TTC28: variants seen among roughly 807,000 people sequenced by gnomAD.
The protein encoded by TTC28 is tetratricopeptide repeat protein 28.
In TTC28, 61 loss-of-function variants were observed where a neutral mutation model predicts 198.0. That is an observed-to-expected ratio of 0.31 (90% confidence interval 0.25 to 0.38). The LOEUF (loss-of-function observed/expected upper bound fraction) is 0.38. Among genes scored for constraint, TTC28 ranks in the 10% least tolerant of loss-of-function variants. The pLI is 1.00. For missense variants in TTC28, 2,678 were observed against 3,164.0 expected (o/e 0.85, Z 3.69); for synonymous variants, 1,171 against 1,297.8 (o/e 0.90, Z 2.10).
intron 1 of TTC28, among the ~76,000 whole-genome samples, chr22:28,673,803 T>C (rs1040396896): frequency 2.0e-5 from 3 of 152,222 alleles, no homozygotes; most frequent in African/African-American, 7.2e-5. Flanking sequence ...ACTATGTCTC[T>C]AGTTTCTCTT....
chr22:28,537,985 T>C (rs926781420), intron 2 of TTC28, among the ~76,000 whole-genome samples: 10 of 151,874 alleles, frequency 6.6e-5, no homozygotes, highest in African/African-American at 1.7e-4. Context: ...AAAAAAGATA[T>C]AGAAGGAAAG....
At chr22:28,278,804 T>G (rs139462032) in intron 5 of TTC28, among the ~76,000 whole-genome samples, 20 of 152,332 alleles carry the variant, frequency 1.3e-4, no homozygotes, top group Admixed American at 2.6e-4. Flanking sequence ...TGTAGGATAA[T>G]GTGCACTCCA....
intron 6 of TTC28, among the ~76,000 whole-genome samples, chr22:28,122,212 T>C (rs1248509708): frequency 6.6e-6 from 1 of 152,144 alleles, no homozygotes; most frequent in Non-Finnish European, 1.5e-5. Context: ...CTTTTACTTA[T>C]TCGAATGAGT....
intron 6 of TTC28, among the ~76,000 whole-genome samples, chr22:28,116,467 G>A (rs754007416): frequency 4.6e-5 from 7 of 152,130 alleles, no homozygotes; most frequent in African/African-American, 1.4e-4. Flanking sequence ...GGCTATGGCC[G>A]GGCCACTGGG....
intron 2 of TTC28, among the ~76,000 whole-genome samples, chr22:28,561,104 C>T (rs569026543): frequency 1.2e-3 from 168 of 135,404 alleles, no homozygotes; most frequent in Admixed American, 2.1e-3. Flanking sequence ...GACGGAGTCT[C>T]GCTCAGTCAC....
chr22:28,426,206 C>T lies in TTC28; in HGVS notation c.382-119563G>A, dbSNP rs533011819. ...CAGCCTGGGTGACAGAGTGAGACTCCACGTCAAAAAAAAAAAAAAAAAAAA... is the reference window on the plus strand; with the variant it reads ...CAGCCTGGGTGACAGAGTGAGACTCTACGTCAAAAAAAAAAAAAAAAAAAA... On this transcript the variant is annotated intron_variant, in intron 2 of 22. Coordinates refer to ENST00000397906, the MANE Select transcript of TTC28 (RefSeq NM_001145418.2). Among the ~76,000 whole-genome samples the T allele has an allele frequency of 2.6e-5, 3 of 115,488 alleles. No homozygotes were observed. The East Asian group carries it at 7.0e-4, about 27-fold the overall frequency. The allele number at this position is 115,488 out of a possible 152,430, so 75.8% of individuals were successfully genotyped here. A position where few individuals can be genotyped will look rare whatever the true frequency, so the allele number is the denominator to read the frequency against.
intron 5 of TTC28, among the ~76,000 whole-genome samples, chr22:28,279,050 T>A (rs548120954): frequency 1.9e-4 from 29 of 152,300 alleles, no homozygotes; most frequent in African/African-American, 7.0e-4. Context: ...CTTCTTTCAC[T>A]ACCAAGACTT....
chr22:28,469,114 C>T (rs1300275911), intron 2 of TTC28, among the ~76,000 whole-genome samples: 3 of 152,194 alleles, frequency 2.0e-5, no homozygotes, highest in African/African-American at 7.2e-5. Flanking sequence ...AGCCTTCCCC[C>T]TGGCCTATGA....
intron 2 of TTC28, among the ~76,000 whole-genome samples, chr22:28,514,538 C>CTGGAGAA (rs2048745163): frequency 6.6e-6 from 1 of 152,206 alleles, no homozygotes; most frequent in Non-Finnish European, 1.5e-5. Context: ...AGGCCGGAAG[C>CTGGAGAA]TGGAGAATTA....
At chr22:28,441,876 T>A (rs1252062569) in intron 2 of TTC28, among the ~76,000 whole-genome samples, 2 of 138,642 alleles carry the variant, frequency 1.4e-5, no homozygotes, top group Non-Finnish European at 3.1e-5. Flanking sequence ...CCAAATGAGG[T>A]ATTTGAAGTT....
At chr22:28,382,243 T>G (rs1021983200) in intron 2 of TTC28, among the ~76,000 whole-genome samples, 1 of 152,152 alleles carries the variant, frequency 6.6e-6, no homozygotes, top group Non-Finnish European at 1.5e-5. Flanking sequence ...TCTCTGTATT[T>G]TTCCCTCAAG....
At chr22:28,506,433 G>T (rs950489272) in intron 2 of TTC28, among the ~76,000 whole-genome samples, 2 of 151,954 alleles carry the variant, frequency 1.3e-5, no homozygotes, top group Admixed American at 1.3e-4. Flanking sequence ...CTCCCGGGGG[G>T]AGGGGTGGCT....
At chr22:28,276,246 G>A (rs1450329129) in intron 5 of TTC28, among the ~76,000 whole-genome samples, 2 of 151,888 alleles carry the variant, frequency 1.3e-5, no homozygotes. Flanking sequence ...CTCCTGAGCC[G>A]AAGTGATCTG....
intron 12 of TTC28, among the ~76,000 whole-genome samples, chr22:28,052,022 G>A (rs139816353): frequency 1.3e-5 from 2 of 152,272 alleles, no homozygotes; most frequent in East Asian, 3.9e-4. Flanking sequence ...AAAGAGCCAA[G>A]GGGGTCCCTT....
At chr22:27,987,500 G>C (rs540338727) in intron 21 of TTC28, among the ~76,000 whole-genome samples, 1 of 152,340 alleles carries the variant, frequency 6.6e-6, no homozygotes, top group East Asian at 1.9e-4. Context: ...GGGAGGCTGA[G>C]GCAGGCAGAT....
chr22:28,378,705 A>G (rs531615008), intron 2 of TTC28, among the ~76,000 whole-genome samples: 1 of 152,296 alleles, frequency 6.6e-6, no homozygotes, highest in Admixed American at 6.5e-5. Flanking sequence ...AGCAAATTAG[A>G]AACCAAAATA....
At chr22:28,482,704 T>A (rs1280304987) in intron 2 of TTC28, among the ~76,000 whole-genome samples, 4 of 152,170 alleles carry the variant, frequency 2.6e-5, no homozygotes, top group Non-Finnish European at 4.4e-5. Context: ...TAAAATCCCA[T>A]ACTCATTAAG....
At chr22:28,072,211 C>A (rs1941013999) in intron 12 of TTC28, among the ~76,000 whole-genome samples, 1 of 152,160 alleles carries the variant, frequency 6.6e-6, no homozygotes, top group African/African-American at 2.4e-5. Flanking sequence ...TACAGGCTAA[C>A]CACACATTAA....
chr22:28,463,143 C>T (rs1346377711), intron 2 of TTC28, among the ~76,000 whole-genome samples: 4 of 152,284 alleles, frequency 2.6e-5, no homozygotes, highest in South Asian at 2.1e-4. Context: ...CCACTTGATG[C>T]GGATGCTGAA....
Sources: allele counts gnomAD v4.1 joint callset (sites outside exome capture counted in the v4.1 genomes callset), GRCh38; gene constraint gnomAD v4.1.1; transcripts MANE v1.5; gene names NCBI Gene and HGNC (gene_info 2026-07-23, HGNC 2026-07-21).